The following LRRC4C variants were observed in gnomAD, a reference collection of about 807,000 sequenced individuals.
The protein encoded by LRRC4C is leucine-rich repeat-containing protein 4C.
In LRRC4C, 5 loss-of-function variants were observed where a neutral mutation model predicts 33.6. The observed-to-expected ratio is 0.15, with a 90% confidence interval of 0.08 to 0.31. The LOEUF (loss-of-function observed/expected upper bound fraction) is 0.31, where lower values mean the gene tolerates loss of function less well. Among genes scored for constraint, LRRC4C ranks in the 10% least tolerant of loss-of-function variants. The probability of loss-of-function intolerance (pLI) is 1.00; values close to 1 mark genes in which losing one functional copy is unlikely to be tolerated. For synonymous variants in LRRC4C, 329 were observed against 302.0 expected (o/e 1.09, Z -0.93); for missense variants, 560 against 796.7 (o/e 0.70, Z 3.58).
At chr11:41,249,005 C>A (rs1948543707) in intron 1 of LRRC4C, among the ~76,000 whole-genome samples, 1 of 151,872 alleles carries the variant, frequency 6.6e-6, no homozygotes, top group Admixed American at 6.6e-5. Context: ...CTCACTATAG[C>A]CACTGTTATC....
intron 1 of LRRC4C, among the ~76,000 whole-genome samples, chr11:40,969,251 T>C (rs1851555512): frequency 6.7e-6 from 1 of 150,374 alleles, no homozygotes; most frequent in African/African-American, 2.4e-5. Flanking sequence ...ACTCTTGTGA[T>C]AAAATTTGAA....
chr11:40,689,854 G>A (rs986587522), intron 2 of LRRC4C, among the ~76,000 whole-genome samples: 7 of 152,000 alleles, frequency 4.6e-5, no homozygotes, highest in Non-Finnish European at 7.4e-5. Context: ...TATTTAACAA[G>A]GTTCTGAACA....
chr11:40,421,827 T>C lies in LRRC4C; in HGVS notation c.-269-102106A>G, dbSNP rs1341477043. Among the ~76,000 whole-genome samples the C allele has an allele frequency of 5.3e-5, 8 of 152,228 alleles. 1 individual carries two copies. In the East Asian group the frequency reaches 1.5e-3, roughly 29 times the overall value. On this transcript the variant is annotated intron_variant, in intron 3 of 6. Transcript: ENST00000528697. ...CGACACTGAGATGCATTGATCTGTG[T>C]CAAAGCTGCTTCAGAGGGAAAATTG...
intron 2 of LRRC4C, among the ~76,000 whole-genome samples, chr11:40,809,721 T>A (rs1951405800): frequency 6.6e-6 from 1 of 152,182 alleles, no homozygotes; most frequent in South Asian, 2.1e-4. Flanking sequence ...TTGAATAAAT[T>A]TATTAATTTA....
In LRRC4C at chr11:40,585,604, CA is replaced by C. The variant is rs1958690923; in HGVS notation, c.-270+62537del. 2.2e-5 allele frequency among the ~76,000 whole-genome samples: 3 copies of C among 139,322 alleles called. No individual in the cohort carries two copies. The Admixed American group carries it at 2.2e-4, about 10-fold the overall frequency. 91.4% of individuals were successfully genotyped at this position (139,322 alleles called of 152,430 possible). A position where few individuals can be genotyped will look rare whatever the true frequency, so the allele number is the denominator to read the frequency against. On this transcript the variant is annotated intron_variant, in intron 3 of 6. Coordinates refer to ENST00000528697, the MANE Select transcript of LRRC4C (RefSeq NM_001258419.2). ...GTCATCTAGCATTAGGTATATCTCC[CA>C]ATGGTATCCCTCCCCCCTCCCCCCA...
rs113002060 is a variant in LRRC4C, at chr11:40,603,330, A to C, written c.-270+44812T>G. 4.4e-3 allele frequency among the ~76,000 whole-genome samples: 665 copies of C among 152,336 alleles called. 5 individuals are homozygous for C. The highest frequency in any genetic ancestry group is 0.015 in the African/African-American group (632 of 41,568). ...TGAGCACCTGCCAAAGCAGGCAAGAAAAGAACCACTTACTGCCAAGACTTG... is the reference window on the plus strand; with the variant it reads ...TGAGCACCTGCCAAAGCAGGCAAGACAAGAACCACTTACTGCCAAGACTTG... On this transcript the variant is annotated intron_variant, in intron 3 of 6. Transcript: ENST00000528697.
chr11:41,404,482 C>CTG (rs144992211), intron 1 of LRRC4C, among the ~76,000 whole-genome samples: 64,974 of 145,694 alleles, frequency 0.45, 14,976 homozygotes, highest in South Asian at 0.58. Context: ...GTGTGTGTGT[C>CTG]TGTGTGTGTG....
chr11:40,218,263 T>C (rs1864118261), intron 5 of LRRC4C, among the ~76,000 whole-genome samples: 1 of 152,154 alleles, frequency 6.6e-6, no homozygotes, highest in Non-Finnish European at 1.5e-5. Flanking sequence ...TGGGAAATTT[T>C]CTCCTATAAC....
intron 1 of LRRC4C, among the ~76,000 whole-genome samples, chr11:40,990,381 T>G (rs527512297): frequency 1.3e-5 from 2 of 151,384 alleles, no homozygotes; most frequent in East Asian, 3.9e-4. Flanking sequence ...GTGATAGTTA[T>G]TATGCTTGGC....
chr11:41,204,968 T>A (rs1431626775), intron 1 of LRRC4C, among the ~76,000 whole-genome samples: 1 of 152,102 alleles, frequency 6.6e-6, no homozygotes, highest in Non-Finnish European at 1.5e-5. Context: ...AAGTGGTTTT[T>A]TTGAGGAGAT....
intron 2 of LRRC4C, among the ~76,000 whole-genome samples, chr11:40,648,968 G>A (rs10837457): frequency 0.19 from 29,572 of 152,080 alleles, 3,375 homozygotes; most frequent in East Asian, 0.47. Flanking sequence ...GGTTTCAAAA[G>A]GGGAGGGGTG....
intron 3 of LRRC4C, among the ~76,000 whole-genome samples, chr11:40,478,866 G>C (rs761432090): frequency 6.6e-6 from 1 of 152,240 alleles, no homozygotes; most frequent in African/African-American, 2.4e-5. Context: ...GCATTAGGAG[G>C]TTTTTGAAAT....
intron 5 of LRRC4C, among the ~76,000 whole-genome samples, chr11:40,199,579 G>A (rs569084633): frequency 6.6e-6 from 1 of 152,280 alleles, no homozygotes; most frequent in Admixed American, 6.5e-5. Context: ...GAGCAGATGA[G>A]TGGATTTCTC....
At chr11:41,107,841 G>A (rs1346452259) in intron 1 of LRRC4C, among the ~76,000 whole-genome samples, 1 of 152,092 alleles carries the variant, frequency 6.6e-6, no homozygotes, top group African/African-American at 2.4e-5. Context: ...GAAGGCTGAG[G>A]CAGGAGAATC....
At chr11:40,123,539 A>T (rs1210672778) in intron 6 of LRRC4C, among the ~76,000 whole-genome samples, 1 of 152,186 alleles carries the variant, frequency 6.6e-6, no homozygotes. Flanking sequence ...TAACTGAAAG[A>T]TCTCTACAGT....
intron 3 of LRRC4C, among the ~76,000 whole-genome samples, chr11:40,540,181 G>T (rs1162862656): frequency 6.6e-6 from 1 of 152,162 alleles, no homozygotes; most frequent in Non-Finnish European, 1.5e-5. Flanking sequence ...ACAATAAATA[G>T]AAAGGACAAG....
chr11:41,384,885 T>C (rs1467994106), intron 1 of LRRC4C, among the ~76,000 whole-genome samples: 1 of 148,866 alleles, frequency 6.7e-6, no homozygotes, highest in Admixed American at 6.7e-5. Flanking sequence ...CTATACAAAC[T>C]TTTTGGGGAG....
At chr11:41,197,992 T>C (rs767625221) in intron 1 of LRRC4C, among the ~76,000 whole-genome samples, 31 of 151,936 alleles carry the variant, frequency 2.0e-4, no homozygotes, top group Admixed American at 1.3e-4. Context: ...CATTGTAAAC[T>C]CAAGTTTATT....
At chr11:40,449,064 T>C (rs1375123841) in intron 3 of LRRC4C, among the ~76,000 whole-genome samples, 2 of 152,214 alleles carry the variant, frequency 1.3e-5, no homozygotes, top group African/African-American at 2.4e-5. Flanking sequence ...GAAGTGTCTG[T>C]TCATATCCTT....
Sources: gnomAD v4.1 joint callset for allele counts (sites outside exome capture counted in the v4.1 genomes callset) on GRCh38, gnomAD v4.1.1 for gene constraint, MANE v1.5 for transcripts, NCBI Gene and HGNC (gene_info 2026-07-23, HGNC 2026-07-21) for gene names.